ZNF17: variants seen among roughly 807,000 people sequenced by gnomAD.
ZNF17 encodes the protein zinc finger protein 17.
A neutral mutation model predicts 7.7 loss-of-function variants in ZNF17; 4 were observed. The observed-to-expected ratio is 0.52, with a 90% CI of 0.26 to 1.20. The LOEUF is 1.20. Among genes scored for constraint, ZNF17 ranks in the 50% most tolerant of loss-of-function variants. The pLI, the probability that ZNF17 is intolerant of heterozygous loss-of-function variation, is 0.14. For missense variants in ZNF17, 738 were observed against 799.5 expected, an observed-to-expected ratio of 0.92 and a Z score of 0.93; for synonymous variants, 249 against 258.8, an observed-to-expected ratio of 0.96 and a Z score of 0.36.
At chr19:57,414,278 C>T (rs1427805806) in intron 2 of ZNF17, among the ~76,000 whole-genome samples, 1 of 151,880 alleles carries the variant, frequency 6.6e-6, no homozygotes, top group African/African-American at 2.4e-5. Context: ...CGTGATCTGC[C>T]TGCCTCGGCC....
In ZNF17 at chr19:57,420,923, A is replaced by G; in HGVS notation, c.1437A>G (p.Lys479=). Reference sequence around the variant, plus strand: ...CTTATGAATGCAGTGAATGTGGCAAATTCTTTGTGGACAGCTGTACACTGA... The same window carrying G: ...CTTATGAATGCAGTGAATGTGGCAAGTTCTTTGTGGACAGCTGTACACTGA... ...ERPYECSECG[K]FFVDSCTLKS... Residue 479 remains lysine, a synonymous_variant, in exon 4 of 4, where the codon AAA becomes AAG. Transcript: ENST00000307658. The G allele has an allele frequency of 1.9e-6, 3 of 1,614,132 alleles. No homozygotes were observed. The highest frequency in any genetic ancestry group is 2.5e-6 in the Non-Finnish European group (3 of 1,179,980).
intron 1 of ZNF17, chr19:57,411,768 C>A: frequency 1.1e-6 from 1 of 901,468 alleles, no homozygotes; most frequent in Non-Finnish European, 1.4e-6. Flanking sequence ...GGATGTTAAA[C>A]CAGGACAAGG....
At chr19:57,419,034 A>G (rs2088830048) in intron 3 of ZNF17, 1 of 152,596 alleles carries the variant, frequency 6.6e-6, no homozygotes, top group Non-Finnish European at 1.5e-5. Context: ...GGCATGCGCC[A>G]CCACACCTGG....
chr19:57,411,553 G>A (rs1182067973), intron 1 of ZNF17, 147 bp downstream of exon 1: 5 of 1,438,866 alleles, frequency 3.5e-6, no homozygotes, highest in Admixed American at 5.3e-5. Flanking sequence ...TGTGAGGCGG[G>A]GGAGCTCCTG....
At chr19:57,411,645 G>A in intron 1 of ZNF17, 1 of 1,359,622 alleles carries the variant, frequency 7.4e-7, no homozygotes, top group Non-Finnish European at 9.5e-7. Flanking sequence ...TCTCCACGGA[G>A]CTGAGGGTGA....
At position 57,417,943 on chromosome 19, in the gene ZNF17, A is replaced by G. The variant is rs1414480007; in HGVS notation, c.53A>G (p.His18Arg). 5 of 1,614,060 alleles carry G rather than the reference A, an allele frequency of 3.1e-6. No homozygotes were observed. The South Asian group carries it at 5.5e-5, about 18-fold the overall frequency. ...DYMVFEDVAIHFSQEEWGILN... is the reference protein window; with the variant it reads ...DYMVFEDVAIRFSQEEWGILN... ...ATGGTTTTTGAGGACGTGGCCATAC[A>G]TTTCTCCCAGGAGGAGTGGGGAATT... The change falls in exon 3 of 4, where the codon CAT (histidine) becomes CGT (arginine). Residue 18 changes from histidine (H) to arginine (R), a missense_variant. By Grantham distance (29) the His-to-Arg change is conservative. Transcript: ENST00000307658.
At chr19:57,417,795 C>T (rs1351322758) in intron 2 of ZNF17, 117 bp from the exon 3 acceptor site, 16 of 1,298,122 alleles carry the variant, frequency 1.2e-5, no homozygotes, top group African/African-American at 3.1e-5. Flanking sequence ...TGCAGTGAGC[C>T]GAGATCACAC....
chr19:57,415,295 A>G (rs1464669696), intron 2 of ZNF17, among the ~76,000 whole-genome samples: 2 of 152,154 alleles, frequency 1.3e-5, no homozygotes, highest in Admixed American at 1.3e-4. Flanking sequence ...CTTGTTGAGA[A>G]GGTTGGATGT....
chr19:57,418,721 A>C (rs1484591727), intron 3 of ZNF17, among the ~76,000 whole-genome samples: 1 of 152,072 alleles, frequency 6.6e-6, no homozygotes, highest in Non-Finnish European at 1.5e-5. Flanking sequence ...GGCTGGGTTC[A>C]CATCACACTG....
In ZNF17 at chr19:57,420,761, T is replaced by C. The variant is rs1291920631; in HGVS notation, c.1275T>C (p.Phe425=). 3 of 1,614,132 alleles carry C rather than the reference T, an allele frequency of 1.9e-6. No individual in the cohort carries two copies. Among genetic ancestry groups the C allele is most frequent in the East Asian group, 4.5e-5 (2 of 44,886 alleles). ...AGTGTAGTGAATGTGGGAAGTTCTTTATGGACACTTCCACACTCATTATTC... is the reference window on the plus strand; with the variant it reads ...AGTGTAGTGAATGTGGGAAGTTCTTCATGGACACTTCCACACTCATTATTC... ...PYECSECGKF[F]MDTSTLIIHQ... Residue 425 remains phenylalanine, a synonymous_variant, in exon 4 of 4, where the codon TTT becomes TTC. Transcript: ENST00000307658.
chr19:57,413,128 C>T (rs1382033467), intron 1 of ZNF17, among the ~76,000 whole-genome samples: 2 of 152,062 alleles, frequency 1.3e-5, no homozygotes, highest in African/African-American at 2.4e-5. Context: ...CCGCCCACCT[C>T]GGCCTCCCAA....
rs1223872574 is a variant in ZNF17, at chr19:57,417,944, T to C, written c.54T>C (p.His18=). The C allele has an allele frequency of 6.2e-7, 1 of 1,614,048 alleles. No homozygotes were observed. The highest frequency in any genetic ancestry group is 8.5e-7 in the Non-Finnish European group (1 of 1,180,008). Residue 18 remains histidine, a synonymous_variant, in exon 3 of 4, where the codon CAT becomes CAC. Coordinates refer to ENST00000307658, the MANE Select transcript of ZNF17 (RefSeq NM_001330617.2). ...TGGTTTTTGAGGACGTGGCCATACA[T>C]TTCTCCCAGGAGGAGTGGGGAATTC... ...DYMVFEDVAI[H]FSQEEWGILN... is the part of the protein sequence containing the mutation.
At chr19:57,416,063 C>T (rs969454909) in intron 2 of ZNF17, among the ~76,000 whole-genome samples, 3 of 152,016 alleles carry the variant, frequency 2.0e-5, no homozygotes, top group Non-Finnish European at 4.4e-5. Flanking sequence ...CAGCCAAGAT[C>T]TGGAACTCAA....
At chr19:57,413,313 A>C (rs1213922583) in intron 1 of ZNF17, 3 of 372,526 alleles carry the variant, frequency 8.1e-6, no homozygotes, top group Middle Eastern at 7.0e-4. Flanking sequence ...CATGTAAAAA[A>C]TATTTAATCC....
At chr19:57,414,654 AG>A (rs1373026232) in intron 2 of ZNF17, among the ~76,000 whole-genome samples, 2 of 149,466 alleles carry the variant, frequency 1.3e-5, no homozygotes, top group East Asian at 2.0e-4. Flanking sequence ...CTTTAATCTG[AG>A]GGGGGTAGTA....
chr19:57,421,647 C>T lies in ZNF17; in HGVS notation c.*166C>T, dbSNP rs1600096415. The T allele has an allele frequency of 1.4e-6, 1 of 712,972 alleles. No homozygotes were observed. The highest frequency in any genetic ancestry group is 2.9e-5 in the East Asian group (1 of 35,008). The allele number at this position is 712,972 out of a possible 1,614,324, so 44.2% of individuals were successfully genotyped here. A position where few individuals can be genotyped will look rare whatever the true frequency, so the allele number is the denominator to read the frequency against. ...TATAGTTCAGTACTGTTAAGTCATT[C>T]ACATTGTGCAATGAATATCTAGAAG... On this transcript the variant is annotated 3_prime_UTR_variant, in exon 4 of 4. Coordinates refer to ENST00000307658, the MANE Select transcript of ZNF17 (RefSeq NM_001330617.2).
At position 57,421,266 on chromosome 19, in the gene ZNF17, A is replaced by G. The variant is rs916292964; in HGVS notation, c.1780A>G (p.Met594Val). ...ATGCAGCAAATGTGGGAAATTTTTT[A>G]TGGACAGCTCCACACTCATTAGTCA... Reference protein sequence around the residue: ...YKCSKCGKFFMDSSTLISHER... With the variant: ...YKCSKCGKFFVDSSTLISHER... The change falls in exon 4 of 4, where the codon ATG becomes GTG. Residue 594 changes from methionine to valine, a missense_variant. Physicochemically the swap from Met to Val is conservative, Grantham distance 21. Transcript: ENST00000307658. The G allele has an allele frequency of 6.2e-7, 1 of 1,614,076 alleles. No individual in the cohort carries two copies. The highest frequency in any genetic ancestry group is 8.5e-7 in the Non-Finnish European group (1 of 1,179,988).
rs2088848676 is a variant in ZNF17 at position 57,421,136 on chromosome 19, C to T, written c.1650C>T (p.His550=). ...NSNHIRHRRN[H]FGERSFECTE... is the part of the protein sequence containing the mutation. ...ATCATATTAGACATCGGAGAAATCA[C>T]TTTGGAGAAAGGTCTTTTGAGTGCA... Residue 550 remains histidine, a synonymous_variant, in exon 4 of 4, where the codon CAC becomes CAT. Coordinates refer to ENST00000307658, the MANE Select transcript of ZNF17 (RefSeq NM_001330617.2). 1.2e-6 allele frequency: 2 copies of T among 1,613,802 alleles called. No homozygotes were observed. The highest frequency in any genetic ancestry group is 1.7e-6 in the Non-Finnish European group (2 of 1,179,792).
intron 2 of ZNF17, among the ~76,000 whole-genome samples, chr19:57,414,331 G>A (rs1600093347): frequency 6.6e-6 from 1 of 150,730 alleles, no homozygotes; most frequent in Non-Finnish European, 1.5e-5. Context: ...ACCACACCTG[G>A]CCTTGTTTTT....
Sources: gnomAD v4.1 joint callset for allele counts (sites outside exome capture counted in the v4.1 genomes callset) on GRCh38, gnomAD v4.1.1 for gene constraint, MANE v1.5 for transcripts, NCBI Gene and HGNC (gene_info 2026-07-23, HGNC 2026-07-21) for gene names.